Variants in FOXO3 observed in about 807,000 individuals in gnomAD.
FOXO3 encodes the protein forkhead box O3.
FOXO3 carries 4 observed loss-of-function variants against 41.9 expected under a neutral mutation model. The observed-to-expected ratio is 0.10, with a 90% CI of 0.05 to 0.22. The LOEUF is 0.22. FOXO3 is among the 10% of genes least tolerant of loss of function. The probability of loss-of-function intolerance (pLI) is 1.00; values close to 1 mark genes in which losing one functional copy is unlikely to be tolerated. For synonymous variants in FOXO3, 318 were observed against 389.3 expected (o/e 0.82, Z 2.16); for missense variants, 534 against 906.8 (o/e 0.59, Z 5.28).
At chr6:108,664,943 C>T (rs1779005403) in intron 2 of FOXO3, 54 bp downstream of exon 2, 2 of 1,502,184 alleles carry the variant, frequency 1.3e-6, no homozygotes, top group African/African-American at 1.4e-5. Flanking sequence ...GAGGGGGGAT[C>T]TCTGGGGGAG....
At chr6:108,653,411 A>T (rs1778600774) in intron 1 of FOXO3, among the ~76,000 whole-genome samples, 1 of 152,112 alleles carries the variant, frequency 6.6e-6, no homozygotes, top group Admixed American at 6.6e-5. Flanking sequence ...GCTAATCCAG[A>T]CATTGGTACT....
rs115896237 is a variant in FOXO3, at chr6:108,565,041, A to G, written c.621+3212A>G. On this transcript the variant is annotated intron_variant, in intron 1 of 2. Transcript: ENST00000406360. ...TTTGCTAGGTAATGGATAGTCTCAC[A>G]TAAGTAGCGCTTGCTTTCCTGAAAG... 1.8e-3 allele frequency among the ~76,000 whole-genome samples: 278 copies of G among 152,310 alleles called. 1 individual carries two copies. Among genetic ancestry groups the G allele is most frequent in the African/African-American group, 6.6e-3 (275 of 41,564 alleles).
intron 1 of FOXO3, among the ~76,000 whole-genome samples, chr6:108,653,751 G>C (rs767712288): frequency 6.6e-6 from 1 of 152,178 alleles, no homozygotes; most frequent in Non-Finnish European, 1.5e-5. Flanking sequence ...TCCACACACA[G>C]TAAGTTTTCA....
chr6:108,617,477 TTAGAG>T (rs1777546566), intron 1 of FOXO3, among the ~76,000 whole-genome samples: 1 of 152,162 alleles, frequency 6.6e-6, no homozygotes, highest in Non-Finnish European at 1.5e-5. Flanking sequence ...TCTTTTTTTT[TTAGAG>T]TAGTTTATCC....
At chr6:108,605,123 C>CTTT (rs71714857) in intron 1 of FOXO3, among the ~76,000 whole-genome samples, 1 of 151,348 alleles carries the variant, frequency 6.6e-6, no homozygotes, top group African/African-American at 2.4e-5. Context: ...ACTAACTTTT[C>CTTT]TTTTTTTTTC....
In FOXO3 at chr6:108,684,350, GA is replaced by G. The variant is rs921547265; in HGVS notation, c.*4567del. ...TTTTAAGAAAAAAGTTGCATGAATG[GA>G]AAAAAAAATCTGTATACAGTATCTG... On this transcript the variant is annotated 3_prime_UTR_variant, in exon 3 of 3. Coordinates refer to ENST00000406360, the MANE Select transcript of FOXO3 (RefSeq NM_001455.4). The G allele has an allele frequency of 2.6e-5, 4 of 151,094 alleles. No individual in the cohort carries two copies. Among genetic ancestry groups the G allele is most frequent in the Admixed American group, 1.3e-4 (2 of 15,166 alleles). The allele number at this position is 151,094 out of a possible 1,614,324, so 9.4% of individuals were successfully genotyped here.
At chr6:108,630,489 A>G (rs1219781829) in intron 1 of FOXO3, among the ~76,000 whole-genome samples, 2 of 152,140 alleles carry the variant, frequency 1.3e-5, no homozygotes, top group African/African-American at 4.8e-5. Flanking sequence ...CTAGGGTAGT[A>G]TTGCGGACCT....
At chr6:108,648,048 T>C (rs967631039) in intron 1 of FOXO3, among the ~76,000 whole-genome samples, 17 of 152,188 alleles carry the variant, frequency 1.1e-4, no homozygotes, top group African/African-American at 4.1e-4. Flanking sequence ...CACGACACTT[T>C]ACAACAGCAA....
chr6:108,643,771 T>C (rs552906888), intron 1 of FOXO3, among the ~76,000 whole-genome samples: 2 of 152,316 alleles, frequency 1.3e-5, no homozygotes, highest in African/African-American at 4.8e-5. Context: ...AGAGCTGAAC[T>C]GCAGAAAGTT....
intron 1 of FOXO3, among the ~76,000 whole-genome samples, chr6:108,613,272 T>C (rs1777411266): frequency 6.6e-6 from 1 of 152,212 alleles, no homozygotes; most frequent in East Asian, 1.9e-4. Context: ...AGTTGGAAAG[T>C]GTTCCCTGTT....
intron 1 of FOXO3, among the ~76,000 whole-genome samples, chr6:108,598,415 G>T (rs1776948521): frequency 6.6e-6 from 1 of 152,128 alleles, no homozygotes; most frequent in Non-Finnish European, 1.5e-5. Context: ...TTACCAAGCA[G>T]TTGCTGAGTG....
intron 1 of FOXO3, among the ~76,000 whole-genome samples, chr6:108,661,391 G>A (rs1778857207): frequency 6.8e-6 from 1 of 147,266 alleles, no homozygotes; most frequent in Non-Finnish European, 1.5e-5. Flanking sequence ...AGCATCAGGA[G>A]TATCTTTTGT....
At chr6:108,627,840 C>A (rs1211853739) in intron 1 of FOXO3, among the ~76,000 whole-genome samples, 2 of 152,150 alleles carry the variant, frequency 1.3e-5, no homozygotes, top group Admixed American at 1.3e-4. Flanking sequence ...AGCTGTGTGA[C>A]CCTGGGCAGG....
intron 1 of FOXO3, among the ~76,000 whole-genome samples, chr6:108,576,189 CCT>C (rs1168442368): frequency 6.6e-6 from 1 of 152,186 alleles, no homozygotes; most frequent in Admixed American, 6.5e-5. Context: ...AGACACATGT[CCT>C]CTGCTGAACT....
At chr6:108,586,663 A>G (rs1042270852) in intron 1 of FOXO3, among the ~76,000 whole-genome samples, 65 of 152,100 alleles carry the variant, frequency 4.3e-4, no homozygotes, top group African/African-American at 1.6e-3. Flanking sequence ...AGCAGAAGAG[A>G]AGGGCAGAAG....
intron 1 of FOXO3, among the ~76,000 whole-genome samples, chr6:108,622,720 A>C (rs1582789064): frequency 6.6e-6 from 1 of 152,016 alleles, no homozygotes; most frequent in East Asian, 1.9e-4. Flanking sequence ...CTGATCTTAC[A>C]CATCAGTTTC....
chr6:108,592,935 T>C (rs1232886927), intron 1 of FOXO3, among the ~76,000 whole-genome samples: 1 of 152,246 alleles, frequency 6.6e-6, no homozygotes, highest in African/African-American at 2.4e-5. Flanking sequence ...AATCCTGTTA[T>C]AATTTAGAGA....
Position 108,663,553 on chromosome 6 carries a change from G to A in FOXO3, c.720G>A (p.Gly240=). The A allele has an allele frequency of 6.2e-7, 1 of 1,613,844 alleles. No individual in the cohort carries two copies. Among genetic ancestry groups the A allele is most frequent in the Non-Finnish European group, 8.5e-7 (1 of 1,179,786 alleles). ...KSSWWIINPD[G]GKSGKAPRRR... is the part of the protein sequence containing the mutation. ...CTTGGTGGATCATCAACCCTGATGG[G>A]GGGAAGAGCGGAAAAGCCCCCCGGC... is the stretch of plus-strand genomic sequence containing the variant. Residue 240 remains glycine (G), a synonymous_variant, in exon 2 of 3, where the codon GGG becomes GGA. Coordinates refer to ENST00000406360, the MANE Select transcript of FOXO3 (RefSeq NM_001455.4).
intron 1 of FOXO3, among the ~76,000 whole-genome samples, chr6:108,604,905 C>CTA (rs977463762): frequency 3.0e-4 from 46 of 152,140 alleles, no homozygotes; most frequent in African/African-American, 1.1e-3. Flanking sequence ...TGTAAAGGCC[C>CTA]TATAAGAAGA....
Sources: gnomAD v4.1 joint callset for allele counts (sites outside exome capture counted in the v4.1 genomes callset) on GRCh38, gnomAD v4.1.1 for gene constraint, MANE v1.5 for transcripts, NCBI Gene and HGNC (gene_info 2026-07-23, HGNC 2026-07-21) for gene names.